ARL14EPL: variants seen among roughly 807,000 people sequenced by gnomAD.
ARL14EPL encodes the protein ARF like GTPase 14 effector protein like.
In ARL14EPL, 17 loss-of-function variants were observed where a neutral mutation model predicts 15.9. The observed-to-expected ratio is 1.07, with a 90% CI of 0.73 to 1.60. ARL14EPL has a LOEUF of 1.60. Among genes scored for constraint, ARL14EPL ranks in the 40% most tolerant of loss-of-function variants. The probability of loss-of-function intolerance (pLI) is 0.00; values close to 1 mark genes in which losing one functional copy is unlikely to be tolerated. For missense variants in ARL14EPL, 214 were observed against 185.9 expected, an observed-to-expected ratio of 1.15 and a Z score of -0.88; for synonymous variants, 78 against 63.8, an observed-to-expected ratio of 1.22 and a Z score of -1.06.
chr5:116,052,052 A>G, intron 2 of ARL14EPL: 1 of 1,613,020 alleles, frequency 6.2e-7, no homozygotes, highest in Non-Finnish European at 8.5e-7. Context: ...GGAGCCTCGA[A>G]TCTTCAGTCT....
At chr5:116,033,858 G>A (rs1378204340) in intron 1 of ARL14EPL, among the ~76,000 whole-genome samples, 1 of 152,208 alleles carries the variant, frequency 6.6e-6, no homozygotes, top group African/African-American at 2.4e-5. Context: ...TGTGGGAATA[G>A]TGTGTATGTG....
intron 3 of ARL14EPL, among the ~76,000 whole-genome samples, chr5:116,054,443 G>A (rs183690671): frequency 2.6e-5 from 4 of 152,142 alleles, no homozygotes; most frequent in Non-Finnish European, 5.9e-5. Flanking sequence ...ATCATTAGAA[G>A]GATAAATAAT....
intron 1 of ARL14EPL, among the ~76,000 whole-genome samples, chr5:116,041,022 A>G (rs1171913891): frequency 1.4e-5 from 2 of 146,122 alleles, no homozygotes; most frequent in Non-Finnish European, 3.0e-5. Context: ...AAAAAACACA[A>G]TAGAATATTT....
intron 3 of ARL14EPL, 47 bp downstream of exon 3, chr5:116,054,200 A>C (rs1414615234): frequency 1.3e-6 from 2 of 1,485,380 alleles, no homozygotes; most frequent in African/African-American, 2.8e-5. Flanking sequence ...TATGAAATGC[A>C]TGAATTCTCC....
intron 1 of ARL14EPL, among the ~76,000 whole-genome samples, chr5:116,039,171 C>T (rs923981322): frequency 6.6e-6 from 1 of 152,090 alleles, no homozygotes; most frequent in African/African-American, 2.4e-5. Context: ...GGTCAGGTCC[C>T]GAACAGGGTT....
chr5:116,059,278 T>C lies in ARL14EPL; in HGVS notation c.*331T>C, dbSNP rs748735265. ...CTGAGAAAATGTAGCTTTAAGATTT[T>C]CAAAACTCTGTAGTTGAGAGCTTTT... On this transcript the variant is annotated 3_prime_UTR_variant, in exon 4 of 4. Coordinates refer to ENST00000686077, the MANE Select transcript of ARL14EPL (RefSeq NM_001195581.2). 2 of 236,676 alleles carry C rather than the reference T, an allele frequency of 8.5e-6. No homozygotes were observed. The highest frequency in any genetic ancestry group is 1.7e-5 in the Non-Finnish European group (2 of 119,186). 14.7% of individuals were successfully genotyped at this position (236,676 alleles called of 1,614,324 possible).
intron 1 of ARL14EPL, among the ~76,000 whole-genome samples, chr5:116,040,133 A>T (rs968777455): frequency 5.9e-5 from 9 of 152,160 alleles, no homozygotes; most frequent in African/African-American, 2.2e-4. Flanking sequence ...AATTTTTGCG[A>T]AGATCTTTGT....
At chr5:116,043,608 T>G (rs1364736779) in intron 1 of ARL14EPL, among the ~76,000 whole-genome samples, 1 of 152,192 alleles carries the variant, frequency 6.6e-6, no homozygotes, top group African/African-American at 2.4e-5. Context: ...TAAGTGTTGC[T>G]TCAGAAACTT....
Position 116,052,287 on chromosome 5 carries a change from C to A in ARL14EPL, c.96+726C>A, listed in dbSNP as rs567125880. The stretch of plus-strand genomic sequence containing the variant: ...TTCTCGTCGTCCTTGGGCGGCATTG[C>A]GAAGCTCGGAGAGTAGCAGCAGACA... On this transcript the variant is annotated intron_variant, in intron 2 of 3. Transcript: ENST00000686077. 1.5e-4 allele frequency: 220 copies of A among 1,441,108 alleles called. 1 individual carries two copies. The South Asian group carries it at 1.9e-3, about 12-fold the overall frequency. The allele number at this position is 1,441,108 out of a possible 1,614,324, so 89.3% of individuals were successfully genotyped here. A position where few individuals can be genotyped will look rare whatever the true frequency, so the allele number is the denominator to read the frequency against.
At chr5:116,034,737 C>T (rs559059593) in intron 1 of ARL14EPL, among the ~76,000 whole-genome samples, 1 of 152,216 alleles carries the variant, frequency 6.6e-6, no homozygotes, top group South Asian at 2.1e-4. Flanking sequence ...TCAAAATACC[C>T]CTATGAGGCA....
chr5:116,034,550 G>A (rs1040605339), intron 1 of ARL14EPL, among the ~76,000 whole-genome samples: 3 of 152,118 alleles, frequency 2.0e-5, no homozygotes, highest in Non-Finnish European at 4.4e-5. Flanking sequence ...CATTTTTAGA[G>A]AAATGTTACC....
At chr5:116,052,369 C>CCTTT in intron 2 of ARL14EPL, 1 of 792,856 alleles carries the variant, frequency 1.3e-6, no homozygotes, top group Non-Finnish European at 2.2e-6. Flanking sequence ...ATTTAATGAA[C>CCTTT]CTTTATTTTG....
At chr5:116,037,317 T>C (rs182076234) in intron 1 of ARL14EPL, among the ~76,000 whole-genome samples, 30 of 152,366 alleles carry the variant, frequency 2.0e-4, no homozygotes, top group African/African-American at 6.0e-4. Flanking sequence ...TGACACCGCA[T>C]TGACACACAG....
At chr5:116,038,020 C>A (rs755400216) in intron 1 of ARL14EPL, among the ~76,000 whole-genome samples, 2 of 152,032 alleles carry the variant, frequency 1.3e-5, no homozygotes, top group African/African-American at 4.8e-5. Context: ...TCATGCACAG[C>A]AGGAATATTA....
chr5:116,056,964 C>T (rs972407773), intron 3 of ARL14EPL, among the ~76,000 whole-genome samples: 1 of 152,126 alleles, frequency 6.6e-6, no homozygotes, highest in African/African-American at 2.4e-5. Flanking sequence ...CTGGCAGAGA[C>T]ACAACAAAAA....
chr5:116,048,960 AG>A (rs961105525), intron 1 of ARL14EPL, among the ~76,000 whole-genome samples: 2 of 152,238 alleles, frequency 1.3e-5, no homozygotes, highest in Non-Finnish European at 2.9e-5. Context: ...ATTTATGATC[AG>A]GTTATGTACT....
chr5:116,059,000 C>T lies in ARL14EPL; in HGVS notation c.*53C>T. On this transcript the variant is annotated 3_prime_UTR_variant, in exon 4 of 4. Coordinates refer to ENST00000686077, the MANE Select transcript of ARL14EPL (RefSeq NM_001195581.2). ...TCTTCTTCTTACACATTTAAGTTGA[C>T]CTCTTTCTTTTGGGTGAATTTTAGG... 1 of 1,490,366 alleles carries T rather than the reference C, an allele frequency of 6.7e-7. No homozygotes were observed. Among genetic ancestry groups the T allele is most frequent in the Non-Finnish European group, 9.0e-7 (1 of 1,107,670 alleles). The allele number at this position is 1,490,366 out of a possible 1,614,324, so 92.3% of individuals were successfully genotyped here.
rs542365592 is a variant in ARL14EPL at position 116,046,356 on chromosome 5, C to G, written c.-9-5101C>G. ...CCATAGGGGTAATGATGGAAAAATA[C>G]TCACTCTACCCCATGCAAGACACAA... On this transcript the variant is annotated intron_variant, in intron 1 of 3. Transcript: ENST00000686077. Among the ~76,000 whole-genome samples the G allele has an allele frequency of 8.5e-5, 13 of 152,242 alleles. No homozygotes were observed. In the East Asian group the frequency reaches 1.9e-3, roughly 23 times the overall value.
chr5:116,038,047 G>A (rs1235208665), intron 1 of ARL14EPL, among the ~76,000 whole-genome samples: 1 of 152,128 alleles, frequency 6.6e-6, no homozygotes, highest in African/African-American at 2.4e-5. Flanking sequence ...AATTTAACAG[G>A]GCAAGGTAGG....
Sources: allele counts gnomAD v4.1 joint callset (sites outside exome capture counted in the v4.1 genomes callset), GRCh38; gene constraint gnomAD v4.1.1; transcripts MANE v1.5; gene names NCBI Gene and HGNC (gene_info 2026-07-23, HGNC 2026-07-21).